SLC9A7: variants seen among roughly 807,000 people sequenced by gnomAD.
SLC9A7 encodes the protein solute carrier family 9 member A7.
Under a neutral mutation model 52.6 loss-of-function variants are expected in SLC9A7, and 19 were observed. The observed-to-expected ratio is 0.36, with a 90% CI of 0.25 to 0.53. The LOEUF (loss-of-function observed/expected upper bound fraction) is 0.53. Ranked by LOEUF, SLC9A7 falls within the 20% of genes least tolerant of loss-of-function variation. The pLI is 0.91. For synonymous variants in SLC9A7, 226 were observed against 252.1 expected (o/e 0.90, Z 0.98); for missense variants, 455 against 597.9 (o/e 0.76, Z 2.49).
intron 16 of SLC9A7, 46 bp from the exon 17 acceptor site, chrX:46,607,249 T>G (rs1483269735): frequency 8.5e-7 from 1 of 1,181,423 alleles, no homozygotes; most frequent in Non-Finnish European, 1.1e-6. Flanking sequence ...GAGACTGATA[T>G]CTTCCAGGTT....
intron 1 of SLC9A7, among the ~76,000 whole-genome samples, chrX:46,718,208 A>G (rs1314618464): frequency 1.8e-5 from 2 of 111,747 alleles, no homozygotes; most frequent in African/African-American, 3.3e-5. Flanking sequence ...AGGATTCCCT[A>G]TTTAATAAAT....
At chrX:46,752,427 A>G (rs1556288814) in intron 1 of SLC9A7, among the ~76,000 whole-genome samples, 1 of 110,350 alleles carries the variant, frequency 9.1e-6, no homozygotes, top group Non-Finnish European at 1.9e-5. Flanking sequence ...AGTCTCTTTG[A>G]CCTCCCTTAA....
chrX:46,633,371 A>AAAAAAAAAAAC lies in SLC9A7; in HGVS notation c.1677-1733_1677-1723dup, dbSNP rs1943259042. 6.1e-5 allele frequency among the ~76,000 whole-genome samples: 6 copies of AAAAAAAAAAAC among 98,985 alleles called. 2 individuals are homozygous for AAAAAAAAAAAC. The highest frequency in any genetic ancestry group is 1.2e-4 in the Non-Finnish European group (6 of 49,289). The allele number at this position is 98,985 out of a possible 115,157, so 86.0% of individuals were successfully genotyped here. On this transcript the variant is annotated intron_variant, in intron 13 of 16. Coordinates refer to ENST00000616978, the MANE Select transcript of SLC9A7 (RefSeq NM_001257291.2). Reference sequence around the variant, plus strand: ...AAAAAAAAAAAAAAAAAAAAAAAAAAAAAAAAAAAACAGATCGGGGCCGTG... The same window carrying AAAAAAAAAAAC: ...AAAAAAAAAAAAAAAAAAAAAAAAAAAAAAAAAAAACAAAAAAAAAACAGATCGGGGCCGTG...
intron 1 of SLC9A7, among the ~76,000 whole-genome samples, chrX:46,728,988 T>C (rs995443446): frequency 8.9e-6 from 1 of 112,498 alleles, no homozygotes; most frequent in Non-Finnish European, 1.9e-5. Context: ...AAGAAGGGCA[T>C]GTTCTGCAAA....
chrX:46,662,732 G>T, intron 5 of SLC9A7, 89 bp from the exon 6 acceptor site: 1 of 594,703 alleles, frequency 1.7e-6, no homozygotes, highest in Non-Finnish European at 2.7e-6. Flanking sequence ...TTCCTATCTT[G>T]GGTGGGACTG....
intron 15 of SLC9A7, 94 bp from the exon 16 acceptor site, chrX:46,613,488 A>G (rs1047773054): frequency 2.4e-5 from 14 of 574,907 alleles, no homozygotes; most frequent in Non-Finnish European, 3.8e-5. Context: ...ACCCACAAAA[A>G]CCTTCTTTTC....
chrX:46,668,100 A>T (rs1425847920), intron 5 of SLC9A7, among the ~76,000 whole-genome samples: 1 of 112,571 alleles, frequency 8.9e-6, no homozygotes, highest in Admixed American at 9.4e-5. Flanking sequence ...AAGAAAAGGT[A>T]TTATTTAACC....
intron 1 of SLC9A7, among the ~76,000 whole-genome samples, chrX:46,695,544 ACACAGCCTAAATGC>A (rs1487392730): frequency 8.9e-6 from 1 of 112,242 alleles, no homozygotes; most frequent in East Asian, 2.8e-4. Context: ...CCAATGGGAA[ACACAGCCTAAATGC>A]CACCTCCTCC....
intron 1 of SLC9A7, among the ~76,000 whole-genome samples, chrX:46,746,224 G>A (rs371042067): frequency 1.8e-5 from 2 of 110,500 alleles, no homozygotes; most frequent in East Asian, 2.8e-4. Flanking sequence ...AGCTACTCGG[G>A]AGGCTGAGGC....
chrX:46,662,306 C>A (rs992770012), intron 6 of SLC9A7, 149 bp from the exon 7 acceptor site: 17 of 609,607 alleles, frequency 2.8e-5, no homozygotes, highest in Admixed American at 1.7e-4. Flanking sequence ...GCCAGCATTG[C>A]CCAGGGTAAA....
At chrX:46,648,036 T>C (rs1169441840) in intron 11 of SLC9A7, among the ~76,000 whole-genome samples, 1 of 112,573 alleles carries the variant, frequency 8.9e-6, no homozygotes, top group Non-Finnish European at 1.9e-5. Context: ...CTTACTCTAC[T>C]TCCACAGCTT....
At chrX:46,734,115 C>T (rs1460915859) in intron 1 of SLC9A7, among the ~76,000 whole-genome samples, 1 of 111,870 alleles carries the variant, frequency 8.9e-6, no homozygotes, top group East Asian at 2.8e-4. Flanking sequence ...GTAGCCCTGG[C>T]CTTTATTCAT....
chrX:46,672,944 T>A (rs1944048974), intron 3 of SLC9A7, among the ~76,000 whole-genome samples: 1 of 112,162 alleles, frequency 8.9e-6, no homozygotes, highest in South Asian at 3.7e-4. Flanking sequence ...AGACCAATCA[T>A]TTTTACAGAT....
chrX:46,730,709 T>TATATATATATAA (rs1945024634), intron 1 of SLC9A7, among the ~76,000 whole-genome samples: 1 of 72,532 alleles, frequency 1.4e-5, no homozygotes, highest in Non-Finnish European at 2.6e-5. Context: ...TATATATATA[T>TATATATATATAA]AAAATGGATG....
At chrX:46,678,358 A>G (rs1210991517) in intron 3 of SLC9A7, among the ~76,000 whole-genome samples, 1 of 111,258 alleles carries the variant, frequency 9.0e-6, no homozygotes, top group East Asian at 2.8e-4. Flanking sequence ...TATTACCACA[A>G]TGGGAGAGGG....
Position 46,745,483 on chromosome X carries a change from A to C in SLC9A7, c.325+13222T>G, listed in dbSNP as rs1249290479. Among the ~76,000 whole-genome samples the C allele has an allele frequency of 2.5e-4, 28 of 111,909 alleles. No homozygotes were observed. In the South Asian group the frequency reaches 0.01, roughly 42 times the overall value. ...CATTCAAAGGAAAAAAATTGATAGA[A>C]ACTATCCCTGAGGAGGCTGAGACAC... is the stretch of plus-strand genomic sequence containing the variant. On this transcript the variant is annotated intron_variant, in intron 1 of 16. Transcript: ENST00000616978.
chrX:46,699,239 C>G (rs761680048), intron 1 of SLC9A7, among the ~76,000 whole-genome samples: 6 of 111,899 alleles, frequency 5.4e-5, no homozygotes, highest in Admixed American at 9.5e-5. Flanking sequence ...TTATATACTA[C>G]TTAAGAAAAC....
intron 1 of SLC9A7, among the ~76,000 whole-genome samples, chrX:46,752,519 C>T (rs1427269271): frequency 9.0e-6 from 1 of 110,958 alleles, no homozygotes; most frequent in Non-Finnish European, 1.9e-5. Context: ...ACAGATCATC[C>T]CATATATTGG....
At chrX:46,715,724 C>T (rs1052447827) in intron 1 of SLC9A7, among the ~76,000 whole-genome samples, 3 of 111,328 alleles carry the variant, frequency 2.7e-5, no homozygotes, top group African/African-American at 9.8e-5. Flanking sequence ...CTTTGAGTAT[C>T]CATACAACCA....
Sources: allele counts gnomAD v4.1 joint callset (sites outside exome capture counted in the v4.1 genomes callset), GRCh38; gene constraint gnomAD v4.1.1; transcripts MANE v1.5; gene names NCBI Gene and HGNC (gene_info 2026-07-23, HGNC 2026-07-21).